The following UBE2E2 variants were observed in gnomAD, a reference collection of about 807,000 sequenced individuals.
UBE2E2 encodes ubiquitin-conjugating enzyme E2 E2.
Under a neutral mutation model 24.7 loss-of-function variants are expected in UBE2E2, and 6 were observed. That is an observed-to-expected ratio of 0.24 (90% confidence interval 0.13 to 0.48). The LOEUF is 0.48. Ranked by LOEUF, UBE2E2 falls within the 20% of genes least tolerant of loss-of-function variation. The pLI is 0.99. For synonymous variants in UBE2E2, 104 were observed against 83.6 expected, an observed-to-expected ratio of 1.24 and a Z score of -1.33; for missense variants, 169 against 245.0, an observed-to-expected ratio of 0.69 and a Z score of 2.07.
At chr3:23,306,811 T>C (rs1699248451) in intron 3 of UBE2E2, among the ~76,000 whole-genome samples, 1 of 152,198 alleles carries the variant, frequency 6.6e-6, no homozygotes, top group Admixed American at 6.5e-5. Context: ...GGGTGCATGA[T>C]GTGCAGAAAT....
chr3:23,321,387 G>A (rs761519353), intron 3 of UBE2E2, among the ~76,000 whole-genome samples: 1 of 152,012 alleles, frequency 6.6e-6, no homozygotes, highest in Non-Finnish European at 1.5e-5. Flanking sequence ...AGAAACTGAT[G>A]TTGCCATCCA....
chr3:23,314,016 A>G (rs750837223), intron 3 of UBE2E2, among the ~76,000 whole-genome samples: 3 of 152,236 alleles, frequency 2.0e-5, no homozygotes, highest in Non-Finnish European at 4.4e-5. Flanking sequence ...TGCATAAACA[A>G]GCAAACAAAA....
At chr3:23,213,028 C>CTAG (rs796943379) in intron 2 of UBE2E2, among the ~76,000 whole-genome samples, 141 of 152,082 alleles carry the variant, frequency 9.3e-4, no homozygotes, top group African/African-American at 3.3e-3. Flanking sequence ...AAGGTTTTCG[C>CTAG]TAGGTGATTC....
intron 3 of UBE2E2, among the ~76,000 whole-genome samples, chr3:23,325,714 A>C (rs1408679222): frequency 6.6e-6 from 1 of 152,224 alleles, no homozygotes; most frequent in Non-Finnish European, 1.5e-5. Context: ...GTGTGAGAGA[A>C]TGTGCTACTG....
Position 23,311,520 on chromosome 3 carries a change from C to G in UBE2E2, c.227+94208C>G, listed in dbSNP as rs149513192. Among the ~76,000 whole-genome samples the G allele has an allele frequency of 2.0e-5, 3 of 152,170 alleles. No individual in the cohort carries two copies. In the East Asian group the frequency reaches 5.8e-4, roughly 29 times the overall value. ...TAGATGGTTAATAAAATATGGAGAACCATTAGTGTAATCAGAGAGACTTGG... is the reference window on the plus strand; with the variant it reads ...TAGATGGTTAATAAAATATGGAGAAGCATTAGTGTAATCAGAGAGACTTGG... On this transcript the variant is annotated intron_variant, in intron 3 of 5. Coordinates refer to ENST00000396703, the MANE Select transcript of UBE2E2 (RefSeq NM_152653.4).
At chr3:23,209,805 C>G (rs970346213) in intron 2 of UBE2E2, among the ~76,000 whole-genome samples, 3 of 152,142 alleles carry the variant, frequency 2.0e-5, no homozygotes, top group African/African-American at 7.2e-5. Context: ...AGAACCTTCT[C>G]AGGACCCTTG....
intron 5 of UBE2E2, among the ~76,000 whole-genome samples, chr3:23,586,527 G>A (rs1013198912): frequency 6.6e-6 from 1 of 151,948 alleles, no homozygotes; most frequent in African/African-American, 2.4e-5. Flanking sequence ...TGAACTCCTG[G>A]CCTCAAGCTG....
Position 23,425,537 on chromosome 3 carries a change from T to C in UBE2E2, c.228-74071T>C, listed in dbSNP as rs191977104. 7.2e-5 allele frequency among the ~76,000 whole-genome samples: 11 copies of C among 152,276 alleles called. No individual in the cohort carries two copies. The East Asian group carries it at 1.2e-3, about 16-fold the overall frequency. On this transcript the variant is annotated intron_variant, in intron 3 of 5. Transcript: ENST00000396703. Reference sequence around the variant, plus strand: ...TTAACAGTTCTTCTTAGATCTGTTATAGAAGCAAGGTTACAGGGTAAACCA... The same window carrying C: ...TTAACAGTTCTTCTTAGATCTGTTACAGAAGCAAGGTTACAGGGTAAACCA...
intron 3 of UBE2E2, among the ~76,000 whole-genome samples, chr3:23,352,981 C>G (rs945089879): frequency 7.2e-5 from 11 of 152,112 alleles, no homozygotes; most frequent in Non-Finnish European, 1.2e-4. Context: ...TGCAAAAATC[C>G]TCAATAAAAT....
intron 3 of UBE2E2, among the ~76,000 whole-genome samples, chr3:23,272,798 G>T (rs1698280396): frequency 6.6e-6 from 1 of 152,146 alleles, no homozygotes; most frequent in Non-Finnish European, 1.5e-5. Flanking sequence ...TTCTGTCCAA[G>T]TCCAGAGGCC....
intron 1 of UBE2E2, chr3:23,204,617 C>T: frequency 1.1e-6 from 1 of 914,710 alleles, no homozygotes; most frequent in Non-Finnish European, 1.3e-6. Context: ...CTTTGGAATT[C>T]TGTATGTGGG....
chr3:23,213,740 G>A (rs570486920), intron 2 of UBE2E2, among the ~76,000 whole-genome samples: 5 of 152,242 alleles, frequency 3.3e-5, no homozygotes, highest in East Asian at 3.9e-4. Flanking sequence ...CCTTACCAGC[G>A]TAAAATAATT....
At chr3:23,542,847 C>A (rs559498736) in intron 5 of UBE2E2, among the ~76,000 whole-genome samples, 1 of 152,188 alleles carries the variant, frequency 6.6e-6, no homozygotes, top group Non-Finnish European at 1.5e-5. Context: ...AATTTAGACA[C>A]GTTGACCTCA....
intron 3 of UBE2E2, among the ~76,000 whole-genome samples, chr3:23,317,276 C>T (rs1255431028): frequency 6.6e-6 from 1 of 152,154 alleles, no homozygotes; most frequent in East Asian, 1.9e-4. Context: ...CTGGTATGGG[C>T]AGTTCCCCTG....
chr3:23,238,573 G>C (rs930820771), intron 3 of UBE2E2, among the ~76,000 whole-genome samples: 1 of 152,090 alleles, frequency 6.6e-6, no homozygotes, highest in Non-Finnish European at 1.5e-5. Context: ...TAGTATATAG[G>C]ATTAATAAAG....
At chr3:23,450,268 C>T (rs1193607458) in intron 3 of UBE2E2, among the ~76,000 whole-genome samples, 2 of 152,202 alleles carry the variant, frequency 1.3e-5, no homozygotes, top group African/African-American at 2.4e-5. Flanking sequence ...GTACAACTTT[C>T]TGCACTGATG....
intron 3 of UBE2E2, among the ~76,000 whole-genome samples, chr3:23,422,975 A>AC (rs1252281511): frequency 6.6e-6 from 1 of 152,172 alleles, no homozygotes; most frequent in African/African-American, 2.4e-5. Flanking sequence ...ACCTTCCCAT[A>AC]CTAGGAAAGT....
Position 23,357,923 on chromosome 3 carries a change from C to T in UBE2E2, c.227+140611C>T, listed in dbSNP as rs571736930. Reference sequence around the variant, plus strand: ...GCACAATCACAGCTCACTGCAGCCTCGACCTCGTCAAGCGTGATCCTTCTA... The same window carrying T: ...GCACAATCACAGCTCACTGCAGCCTTGACCTCGTCAAGCGTGATCCTTCTA... On this transcript the variant is annotated intron_variant, in intron 3 of 5. Transcript: ENST00000396703. Among the ~76,000 whole-genome samples the T allele has an allele frequency of 5.9e-5, 9 of 152,318 alleles. No individual in the cohort carries two copies. In the East Asian group the frequency reaches 7.7e-4, roughly 13 times the overall value.
intron 3 of UBE2E2, among the ~76,000 whole-genome samples, chr3:23,430,287 T>A (rs1382548946): frequency 1.3e-5 from 2 of 152,222 alleles, no homozygotes; most frequent in African/African-American, 4.8e-5. Context: ...CATTTCTTCC[T>A]TTCCAATTAG....
Sources: gnomAD v4.1 joint callset for allele counts (sites outside exome capture counted in the v4.1 genomes callset) on GRCh38, gnomAD v4.1.1 for gene constraint, MANE v1.5 for transcripts, NCBI Gene and HGNC (gene_info 2026-07-23, HGNC 2026-07-21) for gene names.